Variants in LIPK observed in about 807,000 individuals in gnomAD.
LIPK encodes lipase member K.
In LIPK, 32 loss-of-function variants were observed where a neutral mutation model predicts 48.6. The observed-to-expected ratio is 0.66, with a 90% CI of 0.50 to 0.88. The LOEUF (loss-of-function observed/expected upper bound fraction) is 0.88. Among genes scored for constraint, LIPK ranks in the 40% least tolerant of loss-of-function variants. LIPK has a pLI of 0.00. For missense variants in LIPK, 507 were observed against 478.5 expected, an observed-to-expected ratio of 1.06 and a Z score of -0.56; for synonymous variants, 164 against 157.4, an observed-to-expected ratio of 1.04 and a Z score of -0.32.
At chr10:88,732,390 G>A (rs1842485588) in intron 5 of LIPK, 25 bp from the exon 6 acceptor site, 1 of 1,601,068 alleles carries the variant, frequency 6.2e-7, no homozygotes, top group Non-Finnish European at 8.5e-7. Flanking sequence ...TGAAAACTAT[G>A]AACTACTGTC....
At chr10:88,719,259 A>G (rs557514616) in intron 1 of LIPK, among the ~76,000 whole-genome samples, 1 of 152,204 alleles carries the variant, frequency 6.6e-6, no homozygotes, top group Non-Finnish European at 1.5e-5. Context: ...AGGTGTTATT[A>G]TCCTCACCAT....
intron 9 of LIPK, among the ~76,000 whole-genome samples, chr10:88,744,948 A>G (rs1350689690): frequency 6.6e-6 from 1 of 152,260 alleles, no homozygotes; most frequent in Non-Finnish European, 1.5e-5. Flanking sequence ...TTGATCTGAT[A>G]GAGCTGGGAA....
intron 1 of LIPK, among the ~76,000 whole-genome samples, chr10:88,719,805 T>A (rs1421931375): frequency 6.6e-6 from 1 of 152,192 alleles, no homozygotes; most frequent in Non-Finnish European, 1.5e-5. Flanking sequence ...ATAGTTCCTA[T>A]TATTGGGCAA....
chr10:88,711,163 TA>T (rs1399759217), intron 1 of LIPK, among the ~76,000 whole-genome samples: 21 of 152,332 alleles, frequency 1.4e-4, no homozygotes, highest in African/African-American at 4.6e-4. Context: ...TGTTGTTATT[TA>T]TTTCTGGAGT....
In LIPK at chr10:88,737,623, A is replaced by G; in HGVS notation, c.670-12A>G. On this transcript the variant is annotated splice_polypyrimidine_tract_variant and intron_variant, in intron 6 of 9. Transcript: ENST00000404190. The stretch of plus-strand genomic sequence containing the variant: ...CCTGTAAGATTTGATGGTGTTTTAA[A>G]TTATCTTGTAGGTGTTGTTTGGTGA... 1 of 1,611,806 alleles carries G rather than the reference A, an allele frequency of 6.2e-7. No homozygotes were observed.
chr10:88,734,271 G>A (rs1292661554), intron 6 of LIPK, among the ~76,000 whole-genome samples: 1 of 152,178 alleles, frequency 6.6e-6, no homozygotes, highest in East Asian at 1.9e-4. Context: ...ATTTTAGTTT[G>A]GGCTTAAGGA....
chr10:88,750,065 T>A (rs1842838675), intron 9 of LIPK, among the ~76,000 whole-genome samples: 1 of 152,116 alleles, frequency 6.6e-6, no homozygotes, highest in African/African-American at 2.4e-5. Flanking sequence ...ATGGTCAATA[T>A]CAATAATCAT....
At chr10:88,743,194 G>C in intron 8 of LIPK, 56 bp from the exon 9 acceptor site, 1 of 1,192,468 alleles carries the variant, frequency 8.4e-7, no homozygotes. Context: ...CTTCTGTACT[G>C]TCTTTAAATG....
intron 7 of LIPK, among the ~76,000 whole-genome samples, chr10:88,739,383 G>T (rs1240970382): frequency 6.6e-6 from 1 of 152,186 alleles, no homozygotes; most frequent in Non-Finnish European, 1.5e-5. Context: ...GAACCTATGG[G>T]AGTTGAGTCT....
intron 6 of LIPK, among the ~76,000 whole-genome samples, chr10:88,734,609 G>A (rs1842533779): frequency 1.3e-5 from 2 of 152,128 alleles, no homozygotes; most frequent in Admixed American, 6.6e-5. Context: ...AAGCAGATGA[G>A]GGTAAAGGAC....
At position 88,737,663 on chromosome 10, in the gene LIPK, C is replaced by A. The variant is rs1842600273; in HGVS notation, c.698C>A (p.Pro233His). 1 of 1,613,684 alleles carries A rather than the reference C, an allele frequency of 6.2e-7. No homozygotes were observed. Among genetic ancestry groups the A allele is most frequent in the African/African-American group, 1.3e-5 (1 of 74,912 alleles). ...TTGTTTGGTGACAAAATGTTCCACC[C>A]TCATACATTGTTTGACCAATTCATT... is the stretch of plus-strand genomic sequence containing the variant. ...KVLFGDKMFH[P>H]HTLFDQFIAT... The change falls in exon 7 of 10, where the codon CCT (proline) becomes CAT (histidine). Residue 233 changes from proline to histidine, a missense_variant. By Grantham distance (77) the Pro-to-His change is moderately conservative (BLOSUM62 -2). Transcript: ENST00000404190.
chr10:88,708,579 T>C (rs1005440518), intron 1 of LIPK, among the ~76,000 whole-genome samples: 1 of 152,116 alleles, frequency 6.6e-6, no homozygotes, highest in Non-Finnish European at 1.5e-5. Flanking sequence ...ATGTCATATT[T>C]TTAAATCATT....
intron 1 of LIPK, among the ~76,000 whole-genome samples, chr10:88,719,306 G>C (rs984687398): frequency 2.6e-5 from 4 of 152,144 alleles, no homozygotes; most frequent in African/African-American, 9.7e-5. Context: ...AAGTTTAATT[G>C]CCTAGCAATC....
chr10:88,734,547 A>T (rs896732236), intron 6 of LIPK, among the ~76,000 whole-genome samples: 7 of 152,182 alleles, frequency 4.6e-5, no homozygotes, highest in Non-Finnish European at 1.0e-4. Context: ...TGCACAGGGG[A>T]ATGACACGCA....
intron 1 of LIPK, among the ~76,000 whole-genome samples, chr10:88,707,246 T>C (rs1048149747): frequency 1.3e-5 from 2 of 152,084 alleles, no homozygotes; most frequent in African/African-American, 4.8e-5. Context: ...GCTGTAAATA[T>C]GAGAGTATGG....
At chr10:88,720,081 G>C (rs1391651311) in intron 1 of LIPK, among the ~76,000 whole-genome samples, 1 of 152,136 alleles carries the variant, frequency 6.6e-6, no homozygotes, top group Non-Finnish European at 1.5e-5. Context: ...CGGACAAAAA[G>C]CAACTATTGG....
intron 1 of LIPK, among the ~76,000 whole-genome samples, chr10:88,710,802 A>T (rs776194693): frequency 2.1e-4 from 32 of 152,140 alleles, no homozygotes; most frequent in Non-Finnish European, 4.0e-4. Flanking sequence ...GCAAACCAAT[A>T]TTTTCTTTTA....
chr10:88,750,355 T>C (rs1442381139), intron 9 of LIPK, among the ~76,000 whole-genome samples: 3 of 152,184 alleles, frequency 2.0e-5, no homozygotes, highest in Non-Finnish European at 1.5e-5. Flanking sequence ...CATGTACCCG[T>C]ATGTTCATTG....
In LIPK at chr10:88,714,846, T is replaced by A. The variant is rs1418827846; in HGVS notation, c.-12+8526T>A. 2.0e-5 allele frequency among the ~76,000 whole-genome samples: 3 copies of A among 152,168 alleles called. No homozygotes were observed. The East Asian group carries it at 5.8e-4, about 29-fold the overall frequency. On this transcript the variant is annotated intron_variant, in intron 1 of 9. Transcript: ENST00000404190. Reference sequence around the variant, plus strand: ...AACTTTTGGCTTTATTAATTTTCTCTAATATGTTTATTTATTTTATTATTT... The same window carrying A: ...AACTTTTGGCTTTATTAATTTTCTCAAATATGTTTATTTATTTTATTATTT...
Sources: allele counts gnomAD v4.1 joint callset (sites outside exome capture counted in the v4.1 genomes callset), GRCh38; gene constraint gnomAD v4.1.1; transcripts MANE v1.5; gene names NCBI Gene and HGNC (gene_info 2026-07-23, HGNC 2026-07-21).